CAPZB: variants seen among roughly 807,000 people sequenced by gnomAD.
CAPZB encodes the protein capping actin protein of muscle Z-line subunit beta.
CAPZB carries 2 observed loss-of-function variants against 38.1 expected under a neutral mutation model. The ratio of observed to expected loss-of-function variants is 0.05; its 90% CI spans 0.02 to 0.17. CAPZB has a LOEUF of 0.17. Among genes scored for constraint, CAPZB ranks in the 10% least tolerant of loss-of-function variants. CAPZB has a pLI of 1.00. For synonymous variants in CAPZB, 107 were observed against 127.4 expected (o/e 0.84, Z 1.08); for missense variants, 161 against 334.2 (o/e 0.48, Z 4.04).
intron 6 of CAPZB, among the ~76,000 whole-genome samples, chr1:19,353,511 A>T (rs2094003385): frequency 6.6e-6 from 1 of 151,622 alleles, no homozygotes; most frequent in Admixed American, 6.6e-5. Flanking sequence ...CATGCCTCAG[A>T]CTGACACTAG....
At chr1:19,385,322 T>C (rs1384659138) in intron 3 of CAPZB, among the ~76,000 whole-genome samples, 183 bp downstream of exon 3, 5 of 151,940 alleles carry the variant, frequency 3.3e-5, no homozygotes, top group Admixed American at 2.0e-4. Flanking sequence ...GAATAACAGA[T>C]GGAACGATGA....
In CAPZB at chr1:19,357,650, G is replaced by A. The variant is rs2094028971; in HGVS notation, c.330-87C>T. The A allele has an allele frequency of 7.4e-7, 1 of 1,349,296 alleles. No homozygotes were observed. Among genetic ancestry groups the A allele is most frequent in the African/African-American group, 1.4e-5 (1 of 69,028 alleles). The allele number at this position is 1,349,296 out of a possible 1,614,324, so 83.6% of individuals were successfully genotyped here. The stretch of plus-strand genomic sequence containing the variant: ...CAGGCTGCTGCTCAGCAAAGATTCT[G>A]GGATTCAGGGCCCTCCCTGCGACAG... On this transcript the variant is annotated intron_variant, in intron 4 of 8. Transcript: ENST00000264202. The surrounding 1 kb of genome is among the most constrained non-coding windows in gnomAD (Gnocchi z 4.3).
intron 4 of CAPZB, among the ~76,000 whole-genome samples, chr1:19,368,545 C>T (rs1483577661): frequency 6.7e-6 from 1 of 150,324 alleles, no homozygotes; most frequent in South Asian, 2.1e-4. Flanking sequence ...AAAAAAGGAA[C>T]CCGCTGGGTG....
chr1:19,448,134 A>G (rs2094502643), intron 1 of CAPZB, among the ~76,000 whole-genome samples: 1 of 152,232 alleles, frequency 6.6e-6, no homozygotes, highest in African/African-American at 2.4e-5. Context: ...CCAACTGCGC[A>G]TCAAGGGGCC....
intron 8 of CAPZB, chr1:19,342,689 G>A: frequency 1.0e-6 from 1 of 992,640 alleles, no homozygotes; most frequent in Non-Finnish European, 1.6e-6. Flanking sequence ...GACCGGCAGG[G>A]TCTCGGCGGG....
At chr1:19,411,908 G>C (rs189385514) in intron 2 of CAPZB, among the ~76,000 whole-genome samples, 5 of 152,264 alleles carry the variant, frequency 3.3e-5, no homozygotes, top group African/African-American at 1.2e-4. Context: ...ATAACAGGCC[G>C]GGGTCATGAA....
intron 7 of CAPZB, among the ~76,000 whole-genome samples, 194 bp from the exon 8 acceptor site, chr1:19,344,628 CCA>C (rs886887467): frequency 8.5e-5 from 13 of 152,220 alleles, no homozygotes; most frequent in Non-Finnish European, 7.3e-5. Context: ...ACCTTCCCAT[CCA>C]CAGTCCACAG....
intron 1 of CAPZB, among the ~76,000 whole-genome samples, chr1:19,424,950 C>G (rs779956135): frequency 7.9e-5 from 12 of 152,218 alleles, no homozygotes; most frequent in Non-Finnish European, 1.6e-4. Context: ...CCTCAAGGAA[C>G]CAATTGTCCA....
At chr1:19,355,089 T>C (rs1482957928) in intron 6 of CAPZB, among the ~76,000 whole-genome samples, 2 of 152,142 alleles carry the variant, frequency 1.3e-5, no homozygotes, top group Non-Finnish European at 2.9e-5. Context: ...GGAGCTTCTA[T>C]AGGTGGAGGG....
intron 6 of CAPZB, among the ~76,000 whole-genome samples, chr1:19,348,550 G>C (rs1425247423): frequency 6.6e-6 from 1 of 152,126 alleles, no homozygotes; most frequent in Non-Finnish European, 1.5e-5. Flanking sequence ...GATTCTGGCA[G>C]GGCTCTGAAG....
At chr1:19,476,212 ATAGATAGATAGATAG>A (rs1474538087) in intron 1 of CAPZB, among the ~76,000 whole-genome samples, 7,116 of 135,726 alleles carry the variant, frequency 0.052, 237 homozygotes, top group East Asian at 0.11. Flanking sequence ...AGATAGATAG[ATAGATAGATAGATAG>A]GCAGGCAGGC....
chr1:19,355,064 C>T (rs574925246), intron 6 of CAPZB, among the ~76,000 whole-genome samples: 1 of 152,218 alleles, frequency 6.6e-6, no homozygotes, highest in Non-Finnish European at 1.5e-5. Context: ...GCCCCTCTGA[C>T]ACAGGAGAGG....
At chr1:19,368,088 T>A (rs2094099970) in intron 4 of CAPZB, among the ~76,000 whole-genome samples, 1 of 152,176 alleles carries the variant, frequency 6.6e-6, no homozygotes, top group South Asian at 2.1e-4. Flanking sequence ...GGGCTTTGCA[T>A]ATCTTTTTTT....
intron 1 of CAPZB, among the ~76,000 whole-genome samples, chr1:19,471,058 G>GT (rs2094585316): frequency 6.6e-6 from 1 of 152,144 alleles, no homozygotes. Context: ...TATATATACT[G>GT]TTTTTTCCTA....
chr1:19,471,865 C>CA (rs59289947), intron 1 of CAPZB, among the ~76,000 whole-genome samples: 5 of 134,486 alleles, frequency 3.7e-5, no homozygotes, highest in African/African-American at 1.5e-4. Context: ...GACTCCGTCT[C>CA]AAAAAAAAAA....
At chr1:19,412,053 G>A (rs2094359400) in intron 2 of CAPZB, among the ~76,000 whole-genome samples, 1 of 152,208 alleles carries the variant, frequency 6.6e-6, no homozygotes, top group African/African-American at 2.4e-5. Flanking sequence ...AGGCTCACGT[G>A]AAAAGACTCA....
chr1:19,395,281 C>T (rs188952163), intron 2 of CAPZB, among the ~76,000 whole-genome samples: 1 of 152,276 alleles, frequency 6.6e-6, no homozygotes, highest in African/African-American at 2.4e-5. Flanking sequence ...CATTTTTGAC[C>T]AACAAATGAT....
chr1:19,419,773 G>A (rs756631804), intron 1 of CAPZB, 23 bp from the exon 2 acceptor site: 2 of 1,351,102 alleles, frequency 1.5e-6, no homozygotes, highest in Non-Finnish European at 2.1e-6. Context: ...AAATACAAGT[G>A]CGTCAGTCAT....
chr1:19,481,833 A>G (rs902193795), intron 1 of CAPZB, among the ~76,000 whole-genome samples: 5 of 152,162 alleles, frequency 3.3e-5, no homozygotes, highest in Admixed American at 2.6e-4. Context: ...CTGCAGGTAC[A>G]CTGAACAAGG....
Sources: allele counts gnomAD v4.1 joint callset (sites outside exome capture counted in the v4.1 genomes callset), GRCh38; gene constraint gnomAD v4.1.1; non-coding constraint Gnocchi (gnomAD v3.1); transcripts MANE v1.5; gene names NCBI Gene and HGNC (gene_info 2026-07-23, HGNC 2026-07-21).